RSF1: variants seen among roughly 807,000 people sequenced by gnomAD.
RSF1 encodes the protein HBV pX-associated protein 8.
Under a neutral mutation model 145.2 loss-of-function variants are expected in RSF1, and 13 were observed. That is an observed-to-expected ratio of 0.09 (90% confidence interval 0.06 to 0.14). The LOEUF (loss-of-function observed/expected upper bound fraction) is 0.14, where lower values mean the gene tolerates loss of function less well. Ranked by LOEUF, RSF1 falls within the 10% of genes least tolerant of loss-of-function variation. RSF1 has a pLI of 1.00. For synonymous variants in RSF1, 577 were observed against 592.6 expected, an observed-to-expected ratio of 0.97 and a Z score of 0.38; for missense variants, 1,517 against 1,718.2, an observed-to-expected ratio of 0.88 and a Z score of 2.07.
intron 2 of RSF1, chr11:77,762,126 C>T (rs1385427170): frequency 1.4e-5 from 2 of 147,462 alleles, no homozygotes; most frequent in Non-Finnish European, 1.5e-5. Context: ...GCCTCAGCCT[C>T]CCAAAGTGCT....
the RSF1 span, among the ~76,000 whole-genome samples, chr11:77,857,630 G>A: frequency 6.6e-6 from 1 of 150,658 alleles, no homozygotes; most frequent in African/African-American, 2.4e-5. Flanking sequence ...TGCAGAACAT[G>A]CAGGTTTGTT....
At chr11:77,844,778 C>T in the RSF1 span, among the ~76,000 whole-genome samples, 36,608 of 151,936 alleles carry the variant, frequency 0.24, 4,708 homozygotes, top group East Asian at 0.4. Flanking sequence ...TTTTCTTTGT[C>T]GTTATTATTA....
chr11:77,788,426 C>A (rs1254028927), intron 1 of RSF1, among the ~76,000 whole-genome samples: 6 of 146,008 alleles, frequency 4.1e-5, no homozygotes, highest in African/African-American at 1.0e-4. Context: ...AAAAAAGACC[C>A]AAACAAAAAT....
chr11:77,726,012 A>T (rs2135887527), intron 4 of RSF1, among the ~76,000 whole-genome samples: 1 of 152,336 alleles, frequency 6.6e-6, no homozygotes, highest in East Asian at 1.9e-4. Context: ...CTTTAAAAAT[A>T]GTATGTAATC....
At chr11:77,827,063 C>T in the RSF1 span, among the ~76,000 whole-genome samples, 1 of 152,030 alleles carries the variant, frequency 6.6e-6, no homozygotes, top group African/African-American at 2.4e-5. Context: ...TGAGATGGGG[C>T]CACTGCACTT....
At chr11:77,844,254 C>T in the RSF1 span, among the ~76,000 whole-genome samples, 2 of 152,194 alleles carry the variant, frequency 1.3e-5, no homozygotes, top group Admixed American at 1.3e-4. Context: ...CTCCTACAGG[C>T]CCCACCTCTA....
chr11:77,711,899 A>C (rs1960694235), intron 5 of RSF1, among the ~76,000 whole-genome samples: 1 of 151,914 alleles, frequency 6.6e-6, no homozygotes, highest in Non-Finnish European at 1.5e-5. Context: ...TCCAACCCTT[A>C]GTCTCCTCCA....
rs7930581 is a variant in RSF1, at chr11:77,737,373, G to A, written c.578+3358C>T. ...TGAGGCAGAAGAACGGCTTGAACCC[G>A]GGAGGCAGAATTTGCAGGGAGCTGA... is the stretch of plus-strand genomic sequence containing the variant. On this transcript the variant is annotated intron_variant, in intron 4 of 15. Coordinates refer to ENST00000308488, the MANE Select transcript of RSF1 (RefSeq NM_016578.4). Among the ~76,000 whole-genome samples the A allele has an allele frequency of 3.5e-3, 524 of 151,668 alleles. 3 individuals carry two copies. The highest frequency in any genetic ancestry group is 0.011 in the African/African-American group (470 of 41,334).
chr11:77,849,475 C>T, the RSF1 span, among the ~76,000 whole-genome samples: 12 of 152,280 alleles, frequency 7.9e-5, no homozygotes, highest in African/African-American at 2.6e-4. Context: ...CTGCCCATCT[C>T]GGCCTCTCAA....
Position 77,701,056 on chromosome 11 carries a change from T to C in RSF1, c.2173A>G (p.Thr725Ala). The C allele has an allele frequency of 6.2e-7, 1 of 1,613,858 alleles. No individual in the cohort carries two copies. The highest frequency in any genetic ancestry group is 2.2e-5 in the East Asian group (1 of 44,882). Reference sequence around the variant, plus strand: ...ATGCCCTCTTTCTGCCTTTCAGAGGTTATCTCTGTATTTTCTGAGGCAGTG... The same window carrying C: ...ATGCCCTCTTTCTGCCTTTCAGAGGCTATCTCTGTATTTTCTGAGGCAGTG... ...ETTASENTEI[T>A]SERQKEGIKL... Residue 725 changes from threonine to alanine, a missense_variant, in exon 6 of 16, where the codon ACC (threonine) becomes GCC (alanine). This residue lies in a region of RSF1 where 579 missense variants were observed against 553.5 expected (regional missense o/e 1.05). Coordinates refer to ENST00000308488, the MANE Select transcript of RSF1 (RefSeq NM_016578.4).
At chr11:77,831,814 G>A in the RSF1 span, 4 of 148,594 alleles carry the variant, frequency 2.7e-5, no homozygotes, top group Admixed American at 2.8e-4. Context: ...TCGTGCCTCA[G>A]TCTCCCAAGT....
the RSF1 span, chr11:77,851,352 G>A: frequency 6.6e-6 from 1 of 152,196 alleles, no homozygotes; most frequent in Non-Finnish European, 1.5e-5. Flanking sequence ...TTGTACAATT[G>A]ACCAGGCTAG....
intron 4 of RSF1, among the ~76,000 whole-genome samples, chr11:77,737,935 T>C (rs1326900990): frequency 6.6e-6 from 1 of 152,088 alleles, no homozygotes; most frequent in Admixed American, 6.5e-5. Context: ...CAAGACCATC[T>C]TGGCTATCAC....
chr11:77,744,007 C>T (rs563567759), intron 3 of RSF1, among the ~76,000 whole-genome samples: 50 of 152,194 alleles, frequency 3.3e-4, no homozygotes, highest in African/African-American at 1.2e-3. Context: ...TAATGTGGAG[C>T]ATCACAACTT....
At chr11:77,699,217 G>T (rs972286712) in intron 6 of RSF1, among the ~76,000 whole-genome samples, 4 of 152,050 alleles carry the variant, frequency 2.6e-5, no homozygotes, top group Admixed American at 6.6e-5. Flanking sequence ...TCCTGTATTA[G>T]AGATAAATTT....
At chr11:77,872,130 G>A in the RSF1 span, 2 of 1,588,748 alleles carry the variant, frequency 1.3e-6, no homozygotes, top group Non-Finnish European at 1.7e-6. Flanking sequence ...GGAACCCCTG[G>A]GGGGCCTTTC....
At position 77,747,087 on chromosome 11, in the gene RSF1, C is replaced by T. The variant is rs1233920909; in HGVS notation, c.321G>A (p.Glu107=). ...CACTCATTTCAAGATAGCCCTTCTTCTCCATCTCCCATGCCCAGGTACTGT... is the reference window on the plus strand; with the variant it reads ...CACTCATTTCAAGATAGCCCTTCTTTTCCATCTCCCATGCCCAGGTACTGT... ...EFNSTWAWEM[E]KKGYLEMSVE... Residue 107 remains glutamate (E), a synonymous_variant, in exon 3 of 16, where the codon GAG becomes GAA. Transcript: ENST00000308488. 1 of 1,611,658 alleles carries T rather than the reference C, an allele frequency of 6.2e-7. No individual in the cohort carries two copies. The highest frequency in any genetic ancestry group is 8.5e-7 in the Non-Finnish European group (1 of 1,178,140).
intron 4 of RSF1, among the ~76,000 whole-genome samples, chr11:77,728,227 AT>A (rs1778895355): frequency 2.0e-5 from 3 of 152,198 alleles, no homozygotes; most frequent in African/African-American, 7.2e-5. Context: ...TGTGTTCCCC[AT>A]GGCTAATTCC....
chr11:77,725,732 A>G (rs747400566), intron 4 of RSF1, 33 bp from the exon 5 acceptor site: 1 of 1,502,422 alleles, frequency 6.7e-7, no homozygotes, highest in East Asian at 2.4e-5. Flanking sequence ...CAGCATAAAA[A>G]CCTTTTTCCT....
Sources: allele counts gnomAD v4.1 joint callset (sites outside exome capture counted in the v4.1 genomes callset), GRCh38; gene constraint gnomAD v4.1.1; regional missense constraint gnomAD v4.1.1; transcripts MANE v1.5; gene names NCBI Gene and HGNC (gene_info 2026-07-23, HGNC 2026-07-21).